Variants in AFG1L observed in about 807,000 individuals in gnomAD.
AFG1L encodes AFG1-like ATPase.
In AFG1L, 53 loss-of-function variants were observed where a neutral mutation model predicts 62.2. The observed-to-expected ratio is 0.85, with a 90% CI of 0.68 to 1.07. The LOEUF (loss-of-function observed/expected upper bound fraction) is 1.07. Among genes scored for constraint, AFG1L ranks in the 50% least tolerant of loss-of-function variants. AFG1L has a pLI of 0.00. For synonymous variants in AFG1L, 228 were observed against 210.3 expected, an observed-to-expected ratio of 1.08 and a Z score of -0.73; for missense variants, 555 against 590.5, an observed-to-expected ratio of 0.94 and a Z score of 0.62.
At chr6:108,435,623 G>T (rs1221944217) in intron 7 of AFG1L, among the ~76,000 whole-genome samples, 3 of 152,286 alleles carry the variant, frequency 2.0e-5, no homozygotes, top group East Asian at 3.9e-4. Context: ...GAGAGAAGAT[G>T]TTTCCTCATA....
intron 8 of AFG1L, among the ~76,000 whole-genome samples, chr6:108,470,074 T>C (rs146798041): frequency 6.6e-6 from 1 of 152,378 alleles, no homozygotes; most frequent in African/African-American, 2.4e-5. Flanking sequence ...ACTGGTCTGC[T>C]TCATTTTGGC....
intron 6 of AFG1L, among the ~76,000 whole-genome samples, chr6:108,389,332 A>G (rs1433958692): frequency 5.3e-5 from 8 of 152,014 alleles, no homozygotes; most frequent in East Asian, 1.9e-4. Flanking sequence ...TCTTTATCCA[A>G]TTTGCCAGTC....
intron 6 of AFG1L, among the ~76,000 whole-genome samples, chr6:108,373,464 G>T (rs1391689630): frequency 1.3e-5 from 2 of 152,100 alleles, no homozygotes; most frequent in East Asian, 3.8e-4. Flanking sequence ...TTGATGCTAT[G>T]ACTTTGCTAT....
At chr6:108,299,066 G>C (rs1776879666) in intron 1 of AFG1L, among the ~76,000 whole-genome samples, 1 of 152,028 alleles carries the variant, frequency 6.6e-6, no homozygotes, top group East Asian at 1.9e-4. Context: ...TTTGAGACCA[G>C]CCTGGCCAAC....
chr6:108,435,483 T>G (rs1351724067), intron 7 of AFG1L, among the ~76,000 whole-genome samples: 1 of 151,946 alleles, frequency 6.6e-6, no homozygotes, highest in Non-Finnish European at 1.5e-5. Flanking sequence ...GCCAGGAGCT[T>G]GAGACCAACC....
intron 10 of AFG1L, among the ~76,000 whole-genome samples, chr6:108,481,295 C>G (rs2114825833): frequency 6.6e-6 from 1 of 152,248 alleles, no homozygotes; most frequent in South Asian, 2.1e-4. Flanking sequence ...TTCAAGTTTC[C>G]TTTCCTTACC....
chr6:108,505,776 A>G (rs1477835521), intron 10 of AFG1L, among the ~76,000 whole-genome samples: 4 of 152,202 alleles, frequency 2.6e-5, no homozygotes, highest in Non-Finnish European at 5.9e-5. Flanking sequence ...GATCAGAAAA[A>G]CTATCCAAAA....
chr6:108,513,077 A>G (rs567999299), intron 11 of AFG1L, among the ~76,000 whole-genome samples: 2 of 152,314 alleles, frequency 1.3e-5, no homozygotes, highest in East Asian at 1.9e-4. Flanking sequence ...ATAGCTATGA[A>G]TCCTGAAGAC....
intron 10 of AFG1L, among the ~76,000 whole-genome samples, chr6:108,497,127 T>C (rs1774000020): frequency 6.6e-6 from 1 of 152,190 alleles, no homozygotes; most frequent in African/African-American, 2.4e-5. Flanking sequence ...GGTGTAAGTT[T>C]ATAACTTTTT....
At chr6:108,443,446 GAC>G (rs975973589) in intron 7 of AFG1L, among the ~76,000 whole-genome samples, 1 of 152,182 alleles carries the variant, frequency 6.6e-6, no homozygotes, top group African/African-American at 2.4e-5. Context: ...CAAGGAGTGG[GAC>G]ATAGACTTCA....
intron 5 of AFG1L, among the ~76,000 whole-genome samples, chr6:108,363,477 G>GT (rs981588447): frequency 5.3e-5 from 8 of 151,568 alleles, no homozygotes; most frequent in East Asian, 3.9e-4. Context: ...TTTTTTGTTT[G>GT]TTTTTTGTTT....
chr6:108,459,734 T>C (rs1772382314), intron 8 of AFG1L, among the ~76,000 whole-genome samples: 1 of 152,250 alleles, frequency 6.6e-6, no homozygotes. Flanking sequence ...ATCACCATTT[T>C]GTAAAACACT....
intron 7 of AFG1L, among the ~76,000 whole-genome samples, chr6:108,435,164 G>A (rs11153113): frequency 0.36 from 54,650 of 152,068 alleles, 10,177 homozygotes; most frequent in Non-Finnish European, 0.42. Flanking sequence ...TGAACTCACA[G>A]CCTGAGGGAT....
chr6:108,415,430 T>C lies in AFG1L; in HGVS notation c.807+13376T>C, dbSNP rs1036447999. ...GAATTGGAAAAGACTACTTTAAAGT[T>C]CATATGGAATCAAAAAAGAGCCCAC... On this transcript the variant is annotated intron_variant, in intron 7 of 12. Transcript: ENST00000368977. Among the ~76,000 whole-genome samples the C allele has an allele frequency of 5.9e-5, 9 of 152,168 alleles. No individual in the cohort carries two copies. The South Asian group carries it at 6.2e-4, about 11-fold the overall frequency.
intron 7 of AFG1L, among the ~76,000 whole-genome samples, chr6:108,422,638 C>CAG (rs1174073211): frequency 2.0e-5 from 3 of 151,818 alleles, no homozygotes; most frequent in Non-Finnish European, 4.4e-5. Flanking sequence ...GATAAATGTT[C>CAG]AATCTCTTTA....
intron 2 of AFG1L, among the ~76,000 whole-genome samples, chr6:108,342,597 T>A (rs916414250): frequency 7.9e-5 from 12 of 152,202 alleles, no homozygotes; most frequent in African/African-American, 2.7e-4. Context: ...TTAGTCTTAC[T>A]GTTCTCCATT....
chr6:108,345,432 T>C (rs1301070485), intron 2 of AFG1L, among the ~76,000 whole-genome samples: 1 of 151,884 alleles, frequency 6.6e-6, no homozygotes. Context: ...TGATCTCGAT[T>C]CACTGTAGTC....
At chr6:108,437,215 A>G (rs1771350306) in intron 7 of AFG1L, among the ~76,000 whole-genome samples, 1 of 152,210 alleles carries the variant, frequency 6.6e-6, no homozygotes, top group African/African-American at 2.4e-5. Flanking sequence ...ACCATAGCAG[A>G]TGATAATGAT....
chr6:108,455,198 C>T (rs1772206077), intron 8 of AFG1L, among the ~76,000 whole-genome samples: 1 of 152,144 alleles, frequency 6.6e-6, no homozygotes, highest in Middle Eastern at 3.4e-3. Context: ...AATACAATGT[C>T]TAGGATTTGC....
Sources: allele counts gnomAD v4.1 joint callset (sites outside exome capture counted in the v4.1 genomes callset), GRCh38; gene constraint gnomAD v4.1.1; transcripts MANE v1.5; gene names NCBI Gene and HGNC (gene_info 2026-07-23, HGNC 2026-07-21).